PCDHA1: variants seen among roughly 807,000 people sequenced by gnomAD.
The protein encoded by PCDHA1 is protocadherin alpha 1.
PCDHA1 carries 42 observed loss-of-function variants against 61.3 expected under a neutral mutation model. That is an observed-to-expected ratio of 0.69 (90% CI 0.54 to 0.89). The LOEUF (loss-of-function observed/expected upper bound fraction) is 0.89. Among genes scored for constraint, PCDHA1 ranks in the 40% least tolerant of loss-of-function variants. PCDHA1 has a pLI of 0.00. For synonymous variants in PCDHA1, 610 were observed against 553.8 expected, an observed-to-expected ratio of 1.10 and a Z score of -1.43; for missense variants, 1,256 against 1,235.3, an observed-to-expected ratio of 1.02 and a Z score of -0.25.
chr5:140,941,316 T>C (rs1479003076), intron 1 of PCDHA1, among the ~76,000 whole-genome samples: 1 of 135,480 alleles, frequency 7.4e-6, no homozygotes, highest in African/African-American at 2.7e-5. Flanking sequence ...TTTTCTTCTT[T>C]CTCTTTTTTT....
intron 1 of PCDHA1, among the ~76,000 whole-genome samples, chr5:140,965,377 A>G (rs1479954226): frequency 6.6e-6 from 1 of 152,190 alleles, no homozygotes; most frequent in Non-Finnish European, 1.5e-5. Flanking sequence ...AAACTTGGGG[A>G]CACAGAAGAA....
intron 1 of PCDHA1, chr5:140,884,195 C>T: frequency 6.2e-7 from 1 of 1,613,394 alleles, no homozygotes; most frequent in Non-Finnish European, 8.5e-7. Flanking sequence ...GGTGGACGCG[C>T]CGCACCACCG....
At position 140,788,129 on chromosome 5, in the gene PCDHA1, G is replaced by C. The variant is rs1554118129; in HGVS notation, c.1839G>C (p.Pro613=). Residue 613 remains proline, a synonymous_variant, in exon 1 of 4, where the codon CCG becomes CCC. Coordinates refer to ENST00000504120, the MANE Select transcript of PCDHA1 (RefSeq NM_018900.4). ...YNAWLSYELQ[P]AAGGARIPFR... ...CGTGGCTGTCCTATGAACTGCAGCCGGCAGCAGGCGGCGCGCGCATCCCGT... is the reference window on the plus strand; with the variant it reads ...CGTGGCTGTCCTATGAACTGCAGCCCGCAGCAGGCGGCGCGCGCATCCCGT... 5 of 1,613,822 alleles carry C rather than the reference G, an allele frequency of 3.1e-6. No homozygotes were observed. The highest frequency in any genetic ancestry group is 3.4e-6 in the Non-Finnish European group (4 of 1,179,908).
At chr5:140,946,038 G>T (rs782421286) in intron 1 of PCDHA1, among the ~76,000 whole-genome samples, 29 of 152,042 alleles carry the variant, frequency 1.9e-4, no homozygotes, top group Non-Finnish European at 4.0e-4. Flanking sequence ...CAAGAGTGAA[G>T]GGACAATCCA....
In PCDHA1 at chr5:140,849,941, T is replaced by G. The variant is rs2150458780; in HGVS notation, c.2394+61257T>G. The G allele has an allele frequency of 0.63, 1,006,911 of 1,597,380 alleles. 351,403 individuals carry two copies. Among genetic ancestry groups the G allele is most frequent in the African/African-American group, 0.85 (63,094 of 74,394 alleles). Reference sequence around the variant, plus strand: ...TCTTCACGGTGTCTGCGCGGGACGCTGACGCGCAGGAGAACGCCCTGGTGT... The same window carrying G: ...TCTTCACGGTGTCTGCGCGGGACGCGGACGCGCAGGAGAACGCCCTGGTGT... On this transcript the variant is annotated intron_variant, in intron 1 of 3. Coordinates refer to ENST00000504120, the MANE Select transcript of PCDHA1 (RefSeq NM_018900.4).
At chr5:140,969,601 T>C (rs2096345611) in intron 1 of PCDHA1, 1 of 772,836 alleles carries the variant, frequency 1.3e-6, no homozygotes, top group African/African-American at 1.8e-5. Flanking sequence ...TATTTAATGC[T>C]AAAACACAGA....
In PCDHA1 at chr5:140,787,918, C is replaced by G. The variant is rs568547556; in HGVS notation, c.1628C>G (p.Pro543Arg). The stretch of plus-strand genomic sequence containing the variant: ...GTGAGCGCGCGGGATGCGGGCGTGC[C>G]GCCTCTGGGCAGCAACGTGACGCTG... Reference protein sequence around the residue: ...FQVSARDAGVPPLGSNVTLQV... With the variant: ...FQVSARDAGVRPLGSNVTLQV... Residue 543 changes from proline (P) to arginine (R), a missense_variant, in exon 1 of 4, where the codon CCG becomes CGG. By Grantham distance (103) the Pro-to-Arg change is moderately radical. Coordinates refer to ENST00000504120, the MANE Select transcript of PCDHA1 (RefSeq NM_018900.4). The G allele has an allele frequency of 7.8e-5, 126 of 1,613,718 alleles. 2 individuals are homozygous for G. In the South Asian group the frequency reaches 1.2e-3, roughly 15 times the overall value.
At chr5:140,863,431 T>C (rs782746420) in intron 1 of PCDHA1, 12 of 648,614 alleles carry the variant, frequency 1.9e-5, no homozygotes, top group South Asian at 1.5e-4. Context: ...CGTAGTGGGA[T>C]CTGGTCTTAC....
chr5:140,823,444 G>C, intron 1 of PCDHA1: 1 of 1,613,408 alleles, frequency 6.2e-7, no homozygotes. Context: ...CGTGCTGGAC[G>C]AGAACGACAA....
chr5:140,863,445 C>A, intron 1 of PCDHA1: 1 of 582,886 alleles, frequency 1.7e-6, no homozygotes, highest in South Asian at 1.4e-5. Flanking sequence ...GTCTTACTCG[C>A]AGCAAAGGAG....
rs1554262625 is a variant in PCDHA1, at chr5:141,009,974, T to A, written c.*37T>A. 3 of 1,585,642 alleles carry A rather than the reference T, an allele frequency of 1.9e-6. No homozygotes were observed. The highest frequency in any genetic ancestry group is 2.6e-6 in the Non-Finnish European group (3 of 1,169,212). ...GGAAACAAGCCACTTAGCCAGTTTT[T>A]GTAATAATGGCAAATCTCTCCCATG... On this transcript the variant is annotated 3_prime_UTR_variant, in exon 4 of 4. Transcript: ENST00000504120.
At chr5:140,972,453 G>A (rs2096536665) in intron 1 of PCDHA1, among the ~76,000 whole-genome samples, 3 of 151,360 alleles carry the variant, frequency 2.0e-5, no homozygotes, top group South Asian at 2.1e-4. Context: ...TTTTTCTCTT[G>A]TTGCTTATTA....
chr5:140,837,266 T>C (rs1774990691), intron 1 of PCDHA1: 1 of 152,238 alleles, frequency 6.6e-6, no homozygotes, highest in African/African-American at 2.4e-5. Context: ...CATATTTGTG[T>C]AGCACTGACT....
intron 1 of PCDHA1, chr5:140,966,508 A>G (rs1288054154): frequency 9.2e-6 from 4 of 434,452 alleles, no homozygotes; most frequent in African/African-American, 4.1e-5. Context: ...TAGCGGCAGC[A>G]GCAGCAGGAA....
At chr5:140,922,837 C>T (rs1280492516) in intron 1 of PCDHA1, among the ~76,000 whole-genome samples, 2 of 152,134 alleles carry the variant, frequency 1.3e-5, no homozygotes, top group Non-Finnish European at 2.9e-5. Flanking sequence ...AATAGATGTC[C>T]TCAAAGAGAC....
At chr5:140,888,610 A>G (rs1180344966) in intron 1 of PCDHA1, among the ~76,000 whole-genome samples, 1 of 152,210 alleles carries the variant, frequency 6.6e-6, no homozygotes, top group African/African-American at 2.4e-5. Context: ...CTTTTAGTGT[A>G]GCACTAATTC....
At chr5:140,890,204 CT>C (rs1256018806) in intron 1 of PCDHA1, among the ~76,000 whole-genome samples, 2 of 151,984 alleles carry the variant, frequency 1.3e-5, no homozygotes, top group African/African-American at 4.8e-5. Context: ...TTTTGTTTTT[CT>C]TTTTTCCCAG....
At chr5:140,991,792 T>A (rs541458701) in intron 3 of PCDHA1, among the ~76,000 whole-genome samples, 4 of 152,282 alleles carry the variant, frequency 2.6e-5, no homozygotes, top group Non-Finnish European at 5.9e-5. Context: ...CATTTCCCAA[T>A]CTCAAGGCCA....
chr5:140,908,547 A>G (rs2074022083), intron 1 of PCDHA1, among the ~76,000 whole-genome samples: 1 of 152,152 alleles, frequency 6.6e-6, no homozygotes, highest in Non-Finnish European at 1.5e-5. Context: ...AAAGCCCAGT[A>G]ATAGGCCAAG....
Sources: allele counts gnomAD v4.1 joint callset (sites outside exome capture counted in the v4.1 genomes callset), GRCh38; gene constraint gnomAD v4.1.1; transcripts MANE v1.5; gene names NCBI Gene and HGNC (gene_info 2026-07-23, HGNC 2026-07-21).